The following MAP6 variants were observed in gnomAD, a reference collection of about 807,000 sequenced individuals.
MAP6 encodes the protein microtubule associated protein 6, also known as microtubule-associated protein 6.
In MAP6, 26 loss-of-function variants were observed where a neutral mutation model predicts 42.4. That is an observed-to-expected ratio of 0.61 (90% CI 0.45 to 0.85). MAP6 has a LOEUF of 0.85. MAP6 is among the 40% of genes least tolerant of loss of function. The pLI is 0.00. For missense variants in MAP6, 966 were observed against 1,099.0 expected (o/e 0.88, Z 1.71); for synonymous variants, 418 against 443.8 (o/e 0.94, Z 0.73).
intron 3 of MAP6, 127 bp downstream of exon 3, chr11:75,605,681 C>T: frequency 6.7e-7 from 1 of 1,484,168 alleles, no homozygotes; most frequent in South Asian, 1.4e-5. Context: ...CTGGAACACT[C>T]AGGACCAAGG....
At chr11:75,652,091 C>A (rs925365391) in intron 1 of MAP6, among the ~76,000 whole-genome samples, 2 of 152,176 alleles carry the variant, frequency 1.3e-5, no homozygotes, top group African/African-American at 4.8e-5. Context: ...ATAAAAGATT[C>A]TATTCAATAA....
intron 3 of MAP6, among the ~76,000 whole-genome samples, chr11:75,594,860 A>T (rs542040682): frequency 3.3e-5 from 5 of 152,172 alleles, no homozygotes; most frequent in Non-Finnish European, 2.9e-5. Flanking sequence ...AGACCTGTAA[A>T]CACACACCAC....
chr11:75,626,100 C>T (rs1460609340), intron 1 of MAP6, among the ~76,000 whole-genome samples: 1 of 152,226 alleles, frequency 6.6e-6, no homozygotes, highest in Admixed American at 6.5e-5. Flanking sequence ...AAAACTCTCA[C>T]TCCAGCTTCC....
intron 1 of MAP6, among the ~76,000 whole-genome samples, chr11:75,653,243 A>T (rs1274894606): frequency 6.6e-6 from 1 of 152,230 alleles, no homozygotes; most frequent in African/African-American, 2.4e-5. Flanking sequence ...GACAAGGCCC[A>T]GGCTCTGTCT....
chr11:75,668,409 G>T lies in MAP6; in HGVS notation c.-40C>A. ...AGCCGGCCTCCTCTTTCTTCTTGTG[G>T]TTCTAAAGCAAGTCTCTATAATCTT... On this transcript the variant is annotated 5_prime_UTR_variant, in exon 1 of 4. Coordinates refer to ENST00000304771, the MANE Select transcript of MAP6 (RefSeq NM_033063.2). The T allele has an allele frequency of 6.4e-7, 1 of 1,555,488 alleles. No homozygotes were observed. The highest frequency in any genetic ancestry group is 8.6e-7 in the Non-Finnish European group (1 of 1,157,924).
intron 1 of MAP6, among the ~76,000 whole-genome samples, chr11:75,661,956 A>T (rs965125148): frequency 4.6e-5 from 7 of 152,214 alleles, no homozygotes; most frequent in African/African-American, 1.7e-4. Context: ...AGAGTGTGAT[A>T]AGTTTCCTGA....
chr11:75,656,831 C>T (rs201024415), intron 1 of MAP6, among the ~76,000 whole-genome samples: 6 of 152,178 alleles, frequency 3.9e-5, no homozygotes, highest in East Asian at 3.8e-4. Context: ...CAGAGAATAA[C>T]GTCCATAAGT....
chr11:75,606,073 A>G (rs1942768357), intron 2 of MAP6, 69 bp from the exon 3 acceptor site: 2 of 1,557,450 alleles, frequency 1.3e-6, no homozygotes, highest in Non-Finnish European at 1.7e-6. Context: ...ATTTAGAGAG[A>G]AAAGATATGG....
intron 1 of MAP6, among the ~76,000 whole-genome samples, chr11:75,627,997 G>A (rs1294963285): frequency 6.6e-6 from 1 of 152,098 alleles, no homozygotes; most frequent in Middle Eastern, 3.2e-3. Flanking sequence ...TTCTCCCTTC[G>A]ACTGAAATCA....
intron 1 of MAP6, among the ~76,000 whole-genome samples, chr11:75,626,454 G>A (rs1555037633): frequency 1.3e-5 from 2 of 152,146 alleles, no homozygotes; most frequent in Non-Finnish European, 2.9e-5. Context: ...GATGTGGCCC[G>A]GGAGGTATTT....
At chr11:75,647,367 A>AC (rs58105329) in intron 1 of MAP6, among the ~76,000 whole-genome samples, 1 of 143,096 alleles carries the variant, frequency 7.0e-6, no homozygotes, top group Non-Finnish European at 1.5e-5. Context: ...AAAAAAAAAA[A>AC]CCCACAAAAA....
chr11:75,667,684 T>G lies in MAP6; in HGVS notation c.686A>C (p.Lys229Thr). 1 of 1,274,868 alleles carries G rather than the reference T, an allele frequency of 7.8e-7. No individual in the cohort carries two copies. Among genetic ancestry groups the G allele is most frequent in the Non-Finnish European group, 9.9e-7 (1 of 1,014,814 alleles). The allele number at this position is 1,274,868 out of a possible 1,614,324, so 79.0% of individuals were successfully genotyped here. The change falls in exon 1 of 4, where the codon AAG becomes ACG. Residue 229 changes from lysine to threonine, a missense_variant. Around this residue, in one of 2 missense-constraint regions of MAP6, gnomAD observed 943 missense variants for 1,049.9 expected, o/e 0.90. Transcript: ENST00000304771. This position sits in a 1 kb window ranked among gnomAD's most constrained non-coding sequence, Gnocchi z 5.6. ...PGGAGGLAAGKASGADERDTR... is the reference protein window; with the variant it reads ...PGGAGGLAAGTASGADERDTR... ...GTCGCGCTCGTCCGCCCCGGACGCC[T>G]TTCCGGCCGCCAGGCCACCCGCTCC...
intron 1 of MAP6, among the ~76,000 whole-genome samples, chr11:75,641,899 A>G (rs1218846627): frequency 6.6e-6 from 1 of 152,218 alleles, no homozygotes; most frequent in African/African-American, 2.4e-5. Context: ...CTGCAAGTCT[A>G]TTTTAGAGGT....
In MAP6 at chr11:75,599,702, AT is replaced by A. The variant is rs1310263977; in HGVS notation, c.1316+6105del. On this transcript the variant is annotated intron_variant, in intron 3 of 3. Transcript: ENST00000304771. Reference sequence around the variant, plus strand: ...ACTGTGGGGTATGGGCTTAGTTTTTATTGGGGGGTCCCACTTGTCTGAAACC... The same window carrying A: ...ACTGTGGGGTATGGGCTTAGTTTTTATGGGGGGTCCCACTTGTCTGAAACC... Among the ~76,000 whole-genome samples, 4 of 152,224 alleles carry A rather than the reference AT, an allele frequency of 2.6e-5. No individual in the cohort carries two copies. The East Asian group carries it at 7.7e-4, about 29-fold the overall frequency.
chr11:75,591,662 C>T (rs1942479273), intron 3 of MAP6, among the ~76,000 whole-genome samples: 1 of 152,234 alleles, frequency 6.6e-6, no homozygotes, highest in Admixed American at 6.5e-5. Context: ...AGCATATGTT[C>T]TCAAGACAGC....
intron 1 of MAP6, among the ~76,000 whole-genome samples, chr11:75,661,200 A>C (rs1943838236): frequency 6.6e-6 from 1 of 152,136 alleles, no homozygotes; most frequent in Non-Finnish European, 1.5e-5. Flanking sequence ...TAAAGACATC[A>C]AATTGACAGT....
At chr11:75,621,901 T>A (rs1943118054) in intron 1 of MAP6, among the ~76,000 whole-genome samples, 1 of 152,060 alleles carries the variant, frequency 6.6e-6, no homozygotes, top group Non-Finnish European at 1.5e-5. Context: ...TGGGTGCCTG[T>A]AATCCCAGCT....
At chr11:75,596,209 G>C (rs923869833) in intron 3 of MAP6, 1 of 152,260 alleles carries the variant, frequency 6.6e-6, no homozygotes, top group Non-Finnish European at 1.5e-5. Context: ...TTCCAGAAGC[G>C]AAAACGCGGT....
At chr11:75,664,367 T>C (rs747422929) in intron 1 of MAP6, among the ~76,000 whole-genome samples, 13 of 152,238 alleles carry the variant, frequency 8.5e-5, no homozygotes, top group Non-Finnish European at 1.8e-4. Flanking sequence ...GGGTATCTAA[T>C]GTTATTTATG....
Sources: gnomAD v4.1 joint callset for allele counts (sites outside exome capture counted in the v4.1 genomes callset) on GRCh38, gnomAD v4.1.1 for gene constraint, gnomAD v4.1.1 regional missense constraint, Gnocchi (gnomAD v3.1) non-coding constraint, MANE v1.5 for transcripts, NCBI Gene and HGNC (gene_info 2026-07-23, HGNC 2026-07-21) for gene names.